Variants in LETMD1 observed in about 807,000 individuals in gnomAD.
LETMD1 encodes the protein LETM1 domain containing 1.
Under a neutral mutation model 43.9 loss-of-function variants are expected in LETMD1, and 30 were observed. That is an observed-to-expected ratio of 0.68 (90% confidence interval 0.51 to 0.93). The LOEUF (loss-of-function observed/expected upper bound fraction) is 0.93, where lower values mean the gene tolerates loss of function less well. Ranked by LOEUF, LETMD1 falls within the 40% of genes least tolerant of loss-of-function variation. The pLI is 0.00. For synonymous variants in LETMD1, 176 were observed against 163.1 expected, an observed-to-expected ratio of 1.08 and a Z score of -0.60; for missense variants, 413 against 447.7, an observed-to-expected ratio of 0.92 and a Z score of 0.70.
chr12:51,052,487 A>G, intron 3 of LETMD1: 1 of 347,890 alleles, frequency 2.9e-6, no homozygotes, highest in South Asian at 4.4e-5. Context: ...GAACATAACA[A>G]AAGTCTGCAA....
intron 7 of LETMD1, chr12:51,057,397 C>T (rs1272310290): frequency 6.5e-6 from 1 of 153,024 alleles, no homozygotes. Flanking sequence ...GCGCCCAGCT[C>T]CTCACCTCAT....
intron 7 of LETMD1, 29 bp downstream of exon 7, chr12:51,056,531 C>G (rs1357169193): frequency 6.2e-7 from 1 of 1,613,640 alleles, no homozygotes; most frequent in Non-Finnish European, 8.5e-7. Context: ...CATCAACCCT[C>G]AACCCTTGGT....
chr12:51,050,577 T>G (rs1346507412), intron 2 of LETMD1, among the ~76,000 whole-genome samples: 2 of 152,038 alleles, frequency 1.3e-5, no homozygotes, highest in African/African-American at 2.4e-5. Context: ...TGTAACAAAC[T>G]TCCATGTATT....
chr12:51,049,941 A>G (rs6580783), intron 2 of LETMD1, among the ~76,000 whole-genome samples: 135,160 of 152,232 alleles, frequency 0.89, 60,300 homozygotes, highest in East Asian at 0.98. Context: ...CAGTATTATA[A>G]GTTGGTGCAA....
At chr12:51,064,342 T>C (rs548123151), downstream of LETMD1, 4 of 1,614,088 alleles carry the variant, frequency 2.5e-6, no homozygotes, top group Non-Finnish European at 3.4e-6. Context: ...AGGCTGGCAC[T>C]AGAGCCGCTG....
At chr12:51,066,254 A>C in the LETMD1 span, among the ~76,000 whole-genome samples, 1 of 152,100 alleles carries the variant, frequency 6.6e-6, no homozygotes, top group African/African-American at 2.4e-5. Context: ...AGAGATCGAG[A>C]CCATCCTGGC....
rs558827611 is a variant in LETMD1, at chr12:51,049,108, C to A, written c.197C>A (p.Ala66Glu). ...TCTTATGTGGTAACCAAGACAAAAG[C>A]GATTAATGGGAAATACCATCGTTTC... is the stretch of plus-strand genomic sequence containing the variant. The part of the protein sequence containing the change: ...LMSYVVTKTK[A>E]INGKYHRFLG... The change falls in exon 2 of 9, where the codon GCG (alanine) becomes GAG (glutamate). Residue 66 changes from alanine to glutamate, a missense_variant. Transcript: ENST00000262055. The A allele has an allele frequency of 5.0e-6, 8 of 1,613,676 alleles. No individual in the cohort carries two copies. Among genetic ancestry groups the A allele is most frequent in the Non-Finnish European group, 6.8e-6 (8 of 1,179,664 alleles).
In LETMD1 at chr12:51,048,471, G is replaced by A; in HGVS notation, c.115G>A (p.Ala39Thr). Residue 39 changes from alanine to threonine, a missense_variant, in exon 1 of 9, where the codon GCC becomes ACC. By Grantham distance (58) the Ala-to-Thr change is moderately conservative. Transcript: ENST00000262055. ...QLGRSGLAWG[A>T]PRSSKLHLSP... ...TGGTCGCTCTGGCCTGGCTTGGGGG[G>A]CCCCTCGGTGAGGGACCTGTAGCGA... is the stretch of plus-strand genomic sequence containing the variant. The A allele has an allele frequency of 6.2e-7, 1 of 1,613,348 alleles. No homozygotes were observed. Among genetic ancestry groups the A allele is most frequent in the Middle Eastern group, 1.7e-4 (1 of 6,042 alleles).
In LETMD1 at chr12:51,058,131, A is replaced by G. The variant is rs374191308; in HGVS notation, c.1012+3A>G. 6.3e-7 allele frequency: 1 copy of G among 1,579,528 alleles called. No homozygotes were observed. The highest frequency in any genetic ancestry group is 1.3e-5 in the African/African-American group (1 of 74,332). On this transcript the variant is annotated splice_donor_region_variant and intron_variant, in intron 8 of 8. Transcript: ENST00000262055. The stretch of plus-strand genomic sequence containing the variant: ...GCAGATTTCCTGCAGCCTGAAAGGT[A>G]AAACACATTTCTGTGGTTATACCAC...
chr12:51,056,031 C>A lies in LETMD1; in HGVS notation c.660+10C>A, dbSNP rs1413630318. The A allele has an allele frequency of 6.2e-7, 1 of 1,612,298 alleles. No individual in the cohort carries two copies. Among genetic ancestry groups the A allele is most frequent in the South Asian group, 1.1e-5 (1 of 90,888 alleles). ...AGATCTGTGCACCAAGGTATTCCTG[C>A]AGTTAACCCTTCCTACAAATGTGGA... On this transcript the variant is annotated intron_variant, in intron 5 of 8. Transcript: ENST00000262055.
chr12:51,049,272 T>C, intron 2 of LETMD1, 87 bp downstream of exon 2: 1 of 1,220,628 alleles, frequency 8.2e-7, no homozygotes, highest in African/African-American at 1.5e-5. Context: ...TTGCAGGTTC[T>C]GCTATGGGGA....
chr12:51,049,234 G>A (rs749627005), intron 2 of LETMD1, 49 bp downstream of exon 2: 16 of 1,527,478 alleles, frequency 1.0e-5, no homozygotes, highest in Non-Finnish European at 1.3e-5. Flanking sequence ...CTTGGGCAGG[G>A]TCAAAGAGTT....
intron 5 of LETMD1, 21 bp from the exon 6 acceptor site, chr12:51,056,123 A>G (rs778794052): frequency 6.2e-7 from 1 of 1,613,050 alleles, no homozygotes; most frequent in South Asian, 1.1e-5. Flanking sequence ...TAACATCTAC[A>G]AATCTCTTAC....
intron 7 of LETMD1, 87 bp downstream of exon 7, chr12:51,056,589 C>A: frequency 7.7e-7 from 1 of 1,296,114 alleles, no homozygotes; most frequent in South Asian, 1.2e-5. Context: ...GGCTCCTTGT[C>A]TTGTTTGTTT....
chr12:51,052,698 T>C (rs1946508982), intron 3 of LETMD1, among the ~76,000 whole-genome samples: 1 of 151,562 alleles, frequency 6.6e-6, no homozygotes. Flanking sequence ...GGAGAATCGT[T>C]TGAACCCGGG....
intron 7 of LETMD1, chr12:51,057,628 T>C (rs1169598563): frequency 3.4e-5 from 1 of 29,008 alleles, no homozygotes; most frequent in South Asian, 8.2e-4. Flanking sequence ...AGATTGTAAC[T>C]TTTTTTTTTT....
chr12:51,052,392 GTAGCCCTCCA>G (rs1946416685), intron 3 of LETMD1, 185 bp downstream of exon 3: 1 of 608,218 alleles, frequency 1.6e-6, no homozygotes, highest in Non-Finnish European at 2.8e-6. Flanking sequence ...ATCCAGAGTT[GTAGCCCTCCA>G]TAGCAAGAGC....
chr12:51,054,615 G>T (rs561179086), intron 4 of LETMD1, among the ~76,000 whole-genome samples: 73 of 152,258 alleles, frequency 4.8e-4, no homozygotes, highest in Admixed American at 1.1e-3. Context: ...AGGGGTTCTA[G>T]TAAGAATCTA....
chr12:51,065,173 G>A (rs1022586746), downstream of LETMD1, among the ~76,000 whole-genome samples: 2 of 152,142 alleles, frequency 1.3e-5, no homozygotes, highest in South Asian at 2.1e-4. Flanking sequence ...ACATTCTGGG[G>A]AAACTAAGCA....
Sources: allele counts gnomAD v4.1 joint callset (sites outside exome capture counted in the v4.1 genomes callset), GRCh38; gene constraint gnomAD v4.1.1; transcripts MANE v1.5; gene names NCBI Gene and HGNC (gene_info 2026-07-23, HGNC 2026-07-21).